ACTMAP: variants seen among roughly 807,000 people sequenced by gnomAD.
ACTMAP encodes UPF0692 protein C19orf54.
the ACTMAP span, chr19:40,743,929 T>G: frequency 6.2e-7 from 1 of 1,613,940 alleles, no homozygotes; most frequent in East Asian, 2.2e-5. Flanking sequence ...CAGTGTGCCT[T>G]GTGGCCCTTC....
chr19:40,747,189 G>A, the ACTMAP span, among the ~76,000 whole-genome samples: 1 of 152,022 alleles, frequency 6.6e-6, no homozygotes, highest in Non-Finnish European at 1.5e-5. Flanking sequence ...CAGAGCTCCT[G>A]GTTCCTAGTT....
the ACTMAP span, chr19:40,749,630 C>T: frequency 6.5e-7 from 1 of 1,549,266 alleles, no homozygotes; most frequent in Non-Finnish European, 8.7e-7. Flanking sequence ...GTGGAGGAGG[C>T]AGTGGGAGCG....
the ACTMAP span, chr19:40,743,877 G>A: frequency 9.9e-6 from 16 of 1,611,208 alleles, no homozygotes; most frequent in Middle Eastern, 3.3e-4. Flanking sequence ...CCAGGTTGAG[G>A]GGTGCAGACA....
At chr19:40,742,530 GC>G in the ACTMAP span, 1 of 1,569,182 alleles carries the variant, frequency 6.4e-7, no homozygotes, top group South Asian at 1.2e-5. Flanking sequence ...GCCGTCAGTG[GC>G]CCGTGAGGGC....
At chr19:40,749,412 C>T in the ACTMAP span, 3 of 1,428,070 alleles carry the variant, frequency 2.1e-6, no homozygotes, top group Non-Finnish European at 1.9e-6. Context: ...GAACCCCCCC[C>T]CCACCCCAAG....
the ACTMAP span, chr19:40,744,294 T>C: frequency 7.0e-7 from 1 of 1,433,146 alleles, no homozygotes; most frequent in Non-Finnish European, 9.2e-7. Flanking sequence ...ACCATGACCT[T>C]CCACCCCTTG....
At chr19:40,745,599 A>G in the ACTMAP span, among the ~76,000 whole-genome samples, 4 of 152,208 alleles carry the variant, frequency 2.6e-5, no homozygotes, top group Non-Finnish European at 4.4e-5. Context: ...CCCAGGGTCA[A>G]GTTATTCCTC....
chr19:40,746,135 A>T, the ACTMAP span, among the ~76,000 whole-genome samples: 1 of 152,174 alleles, frequency 6.6e-6, no homozygotes, highest in Non-Finnish European at 1.5e-5. Context: ...AAGGCCTAAA[A>T]CATCACCTTG....
the ACTMAP span, chr19:40,742,685 G>A: frequency 2.2e-5 from 36 of 1,612,994 alleles, no homozygotes; most frequent in Admixed American, 2.7e-4. Context: ...GGCAGGGCGT[G>A]CCCAGCACTG....
the ACTMAP span, chr19:40,744,091 A>G: frequency 1.1e-4 from 182 of 1,613,830 alleles, no homozygotes; most frequent in African/African-American, 1.8e-3. Flanking sequence ...ATGTCCAGTG[A>G]CCAGGTGCTG....
At chr19:40,749,438 C>T in the ACTMAP span, 1 of 1,283,842 alleles carries the variant, frequency 7.8e-7, no homozygotes, top group Non-Finnish European at 1.1e-6. Flanking sequence ...TGTGAAGTGT[C>T]TAGGGCAGAG....
the ACTMAP span, among the ~76,000 whole-genome samples, chr19:40,743,598 C>G: frequency 9.5e-4 from 144 of 152,280 alleles, no homozygotes; most frequent in African/African-American, 3.4e-3. Context: ...GGTACTGTTA[C>G]CCCCAATTTC....
chr19:40,743,260 T>G, the ACTMAP span, among the ~76,000 whole-genome samples: 1 of 143,542 alleles, frequency 7.0e-6, no homozygotes. Flanking sequence ...TGAGATGGAG[T>G]CTTGCTCTGT....
At chr19:40,743,400 T>TTG in the ACTMAP span, among the ~76,000 whole-genome samples, 1 of 152,074 alleles carries the variant, frequency 6.6e-6, no homozygotes, top group Admixed American at 6.5e-5. Context: ...GCCTGGCTAA[T>TTG]TTTTGTATTT....
At chr19:40,744,579 GC>G in the ACTMAP span, 1 of 1,613,672 alleles carries the variant, frequency 6.2e-7, no homozygotes, top group East Asian at 2.2e-5. Context: ...CTCTCCCTGG[GC>G]CGTGTAGCCT....
At chr19:40,747,366 G>A in the ACTMAP span, among the ~76,000 whole-genome samples, 1 of 151,608 alleles carries the variant, frequency 6.6e-6, no homozygotes, top group Admixed American at 6.6e-5. Context: ...ACGACAGCCC[G>A]TCTCTACTAA....
At chr19:40,749,229 G>A in the ACTMAP span, among the ~76,000 whole-genome samples, 3 of 152,114 alleles carry the variant, frequency 2.0e-5, no homozygotes, top group East Asian at 3.9e-4. Context: ...GACCTCAGGT[G>A]ATCCACCCGC....
chr19:40,749,197 G>C, the ACTMAP span, among the ~76,000 whole-genome samples: 1 of 151,978 alleles, frequency 6.6e-6, no homozygotes, highest in African/African-American at 2.4e-5. Flanking sequence ...CACCATATTG[G>C]TCAGGCAGGT....
the ACTMAP span, among the ~76,000 whole-genome samples, chr19:40,747,218 A>T: frequency 3.5e-4 from 54 of 152,150 alleles, no homozygotes; most frequent in Middle Eastern, 3.4e-3. Flanking sequence ...CCTCCTGATG[A>T]AAGATGATAC....
Sources: gnomAD v4.1 joint callset for allele counts (sites outside exome capture counted in the v4.1 genomes callset) on GRCh38, gnomAD v4.1.1 for gene constraint, MANE v1.5 for transcripts, NCBI Gene and HGNC (gene_info 2026-07-23, HGNC 2026-07-21) for gene names.